Variants in MAP4K5 observed in about 807,000 individuals in gnomAD.
The protein encoded by MAP4K5 is MAPK/ERK kinase kinase kinase 5.
A neutral mutation model predicts 135.6 loss-of-function variants in MAP4K5; 82 were observed. The ratio of observed to expected loss-of-function variants is 0.60; its 90% CI spans 0.51 to 0.73. MAP4K5 has a LOEUF of 0.73. Ranked by LOEUF, MAP4K5 falls within the 30% of genes least tolerant of loss-of-function variation. The probability of loss-of-function intolerance (pLI) is 0.00; values close to 1 mark genes in which losing one functional copy is unlikely to be tolerated. For synonymous variants in MAP4K5, 347 were observed against 335.0 expected, an observed-to-expected ratio of 1.04 and a Z score of -0.39; for missense variants, 907 against 1,010.9, an observed-to-expected ratio of 0.90 and a Z score of 1.39.
chr14:50,432,889 G>A (rs1487210678), intron 28 of MAP4K5, among the ~76,000 whole-genome samples: 1 of 152,110 alleles, frequency 6.6e-6, no homozygotes, highest in Admixed American at 6.6e-5. Context: ...CCAGGCTGGA[G>A]TGCAATGGTG....
chr14:50,473,496 A>T (rs1019142644), intron 9 of MAP4K5, among the ~76,000 whole-genome samples: 6 of 152,302 alleles, frequency 3.9e-5, no homozygotes, highest in Non-Finnish European at 8.8e-5. Context: ...ATAAGAACTT[A>T]CATATGAAAA....
chr14:50,419,407 C>T lies in MAP4K5; in HGVS notation c.*612G>A, dbSNP rs1338164179. 6.6e-6 allele frequency: 1 copy of T among 152,270 alleles called. No individual in the cohort carries two copies. The highest frequency in any genetic ancestry group is 2.4e-5 in the African/African-American group (1 of 41,338). 9.4% of individuals were successfully genotyped at this position (152,270 alleles called of 1,614,324 possible). A position where few individuals can be genotyped will look rare whatever the true frequency, so the allele number is the denominator to read the frequency against. ...GCAAAATTGCATGTGTGTGTTGAAC[C>T]CCCAAACACTCAAAGTACTTTACTA... On this transcript the variant is annotated 3_prime_UTR_variant, in exon 33 of 33. Transcript: ENST00000682126.
intron 27 of MAP4K5, among the ~76,000 whole-genome samples, 171 bp from the exon 28 acceptor site, chr14:50,434,742 A>G (rs2036051675): frequency 1.3e-5 from 2 of 152,234 alleles, no homozygotes; most frequent in Non-Finnish European, 2.9e-5. Context: ...TGTGTTTTAG[A>G]TAATTAGCCA....
chr14:50,460,124 C>T (rs1459886583), intron 13 of MAP4K5, among the ~76,000 whole-genome samples: 1 of 152,094 alleles, frequency 6.6e-6, no homozygotes, highest in Non-Finnish European at 1.5e-5. Flanking sequence ...TCTGATTTAT[C>T]CTTCAGGTTT....
chr14:50,425,527 T>C (rs185724909), intron 31 of MAP4K5, among the ~76,000 whole-genome samples: 11 of 152,336 alleles, frequency 7.2e-5, no homozygotes, highest in African/African-American at 2.4e-4. Context: ...GATTCCCTTA[T>C]TCTTATGCTC....
chr14:50,456,969 T>G (rs1050598858), intron 13 of MAP4K5, among the ~76,000 whole-genome samples: 5 of 152,202 alleles, frequency 3.3e-5, no homozygotes, highest in Non-Finnish European at 7.3e-5. Context: ...TAGTTCTTCA[T>G]GAAAGCTGTA....
intron 13 of MAP4K5, among the ~76,000 whole-genome samples, chr14:50,458,640 T>C (rs373219468): frequency 6.6e-6 from 1 of 152,172 alleles, no homozygotes; most frequent in East Asian, 1.9e-4. Flanking sequence ...CCTTTGCTAT[T>C]GCTCTTTGCC....
intron 1 of MAP4K5, chr14:50,559,360 G>C (rs567659854): frequency 1.7e-4 from 26 of 152,316 alleles, no homozygotes; most frequent in African/African-American, 5.8e-4. Flanking sequence ...GTGTTTCCAG[G>C]TTACTGAAAA....
chr14:50,459,114 C>G (rs1167211625), intron 13 of MAP4K5, among the ~76,000 whole-genome samples: 4 of 152,174 alleles, frequency 2.6e-5, no homozygotes, highest in Non-Finnish European at 5.9e-5. Flanking sequence ...TACCTAGCCT[C>G]AAACCTGTAT....
intron 5 of MAP4K5, among the ~76,000 whole-genome samples, chr14:50,485,106 C>T (rs1004347832): frequency 2.6e-5 from 4 of 152,154 alleles, no homozygotes; most frequent in South Asian, 2.1e-4. Context: ...TCAAATTCAA[C>T]TCAGGAAACT....
intron 2 of MAP4K5, among the ~76,000 whole-genome samples, chr14:50,520,444 T>C (rs192971901): frequency 1.3e-5 from 2 of 152,200 alleles, no homozygotes; most frequent in East Asian, 3.9e-4. Context: ...AAGGTAGTAG[T>C]GAGCCGAGAT....
At chr14:50,447,779 T>C (rs2036389288) in intron 15 of MAP4K5, among the ~76,000 whole-genome samples, 1 of 152,196 alleles carries the variant, frequency 6.6e-6, no homozygotes, top group African/African-American at 2.4e-5. Context: ...AACAACTGAA[T>C]TATCTACATC....
chr14:50,496,091 G>A (rs926705515), intron 3 of MAP4K5, among the ~76,000 whole-genome samples: 3 of 152,148 alleles, frequency 2.0e-5, no homozygotes, highest in Non-Finnish European at 4.4e-5. Flanking sequence ...TTTGGAGGCC[G>A]AGGCAGGTGG....
chr14:50,509,706 T>C (rs11851312), intron 2 of MAP4K5, among the ~76,000 whole-genome samples: 5,053 of 152,182 alleles, frequency 0.033, 268 homozygotes, highest in African/African-American at 0.11. Context: ...TGAACTCTTA[T>C]TTTAACTCAC....
rs1470785225 is a variant in MAP4K5 at position 50,462,521 on chromosome 14, G to C, written c.936+144C>G. On this transcript the variant is annotated intron_variant, in intron 13 of 32. Coordinates refer to ENST00000682126, the MANE Select transcript of MAP4K5 (RefSeq NM_006575.6). ...CAACTGATAATTATGTGCAGGAAAA[G>C]TGTAGTTTACATTATTAATCTCTGT... 8.0e-6 allele frequency: 5 copies of C among 621,872 alleles called. No homozygotes were observed. The Admixed American group carries it at 1.7e-4, about 21-fold the overall frequency. 38.5% of individuals were successfully genotyped at this position (621,872 alleles called of 1,614,324 possible).
In MAP4K5 at chr14:50,506,160, CA is replaced by C. The variant is rs375473977; in HGVS notation, c.109-1304del. Reference sequence around the variant, plus strand: ...GAAAAGTATAGTTATACTAATCTGCCAAATTAAATAAATCAAATTTTCTGAG... The same window carrying C: ...GAAAAGTATAGTTATACTAATCTGCCAATTAAATAAATCAAATTTTCTGAG... On this transcript the variant is annotated intron_variant, in intron 2 of 32. Coordinates refer to ENST00000682126, the MANE Select transcript of MAP4K5 (RefSeq NM_006575.6). Among the ~76,000 whole-genome samples, 171 of 151,808 alleles carry C rather than the reference CA, an allele frequency of 1.1e-3. 2 individuals carry two copies. In the South Asian group the frequency reaches 0.033, roughly 29 times the overall value.
chr14:50,538,415 C>T (rs941611), intron 2 of MAP4K5, among the ~76,000 whole-genome samples: 147,627 of 152,350 alleles, frequency 0.97, 71,623 homozygotes, highest in Non-Finnish European at 0.99. Context: ...TAACCTTTAT[C>T]GTCAGAGTGG....
intron 13 of MAP4K5, among the ~76,000 whole-genome samples, chr14:50,457,841 T>A (rs2036624200): frequency 6.6e-6 from 1 of 152,218 alleles, no homozygotes; most frequent in Non-Finnish European, 1.5e-5. Flanking sequence ...TTATCCAGTT[T>A]ATGTCTGGTA....
intron 1 of MAP4K5, among the ~76,000 whole-genome samples, chr14:50,550,959 T>C (rs1221186606): frequency 6.6e-6 from 1 of 151,208 alleles, no homozygotes; most frequent in Non-Finnish European, 1.5e-5. Context: ...AGAGCACAAA[T>C]AGACAACCTC....
Sources: allele counts gnomAD v4.1 joint callset (sites outside exome capture counted in the v4.1 genomes callset), GRCh38; gene constraint gnomAD v4.1.1; transcripts MANE v1.5; gene names NCBI Gene and HGNC (gene_info 2026-07-23, HGNC 2026-07-21).